Variants in NFKBIE observed in about 807,000 individuals in gnomAD.
The protein encoded by NFKBIE is NFKB inhibitor epsilon, also known as NF-kappa-B inhibitor epsilon.
Under a neutral mutation model 31.6 loss-of-function variants are expected in NFKBIE, and 11 were observed. That is an observed-to-expected ratio of 0.35 (90% CI 0.22 to 0.58). The LOEUF is 0.58. Ranked by LOEUF, NFKBIE falls within the 20% of genes least tolerant of loss-of-function variation. The pLI is 0.83. For synonymous variants in NFKBIE, 208 were observed against 210.1 expected, an observed-to-expected ratio of 0.99 and a Z score of 0.09; for missense variants, 354 against 465.7, an observed-to-expected ratio of 0.76 and a Z score of 2.21.
rs1212539858 is a variant in NFKBIE at position 44,260,369 on chromosome 6, T to A, written c.780+82A>T. Reference sequence around the variant, plus strand: ...GGATAAGGAAGTGAATGCCACCACTTCTGACTGCTGGGCAGGGGACTTGGG... The same window carrying A: ...GGATAAGGAAGTGAATGCCACCACTACTGACTGCTGGGCAGGGGACTTGGG... On this transcript the variant is annotated intron_variant, in intron 4 of 5. Coordinates refer to ENST00000619360, the MANE Select transcript of NFKBIE (RefSeq NM_004556.3). This position sits in a 1 kb window ranked among gnomAD's most constrained non-coding sequence, Gnocchi z 5.5. The A allele has an allele frequency of 8.1e-6, 13 of 1,612,600 alleles. No individual in the cohort carries two copies. Among genetic ancestry groups the A allele is most frequent in the Non-Finnish European group, 8.5e-6 (10 of 1,178,886 alleles).
chr6:44,265,246 G>C lies in NFKBIE; in HGVS notation c.101C>G (p.Ser34Trp). Residue 34 changes from serine (S) to tryptophan (W), a missense_variant, in exon 1 of 6, where the codon TCG (serine) becomes TGG (tryptophan). Coordinates refer to ENST00000619360, the MANE Select transcript of NFKBIE (RefSeq NM_004556.3). ...GTCCGAGGGCCCGGAGGCTGGAGCCGAGGTGGACTCGGGTAGGGAGCGCAG... is the reference window on the plus strand; with the variant it reads ...GTCCGAGGGCCCGGAGGCTGGAGCCCAGGTGGACTCGGGTAGGGAGCGCAG... ...RSLRSLPESTSAPASGPSDGS... is the reference protein window; with the variant it reads ...RSLRSLPESTWAPASGPSDGS... The C allele has an allele frequency of 1.3e-6, 2 of 1,552,914 alleles. No homozygotes were observed. Among genetic ancestry groups the C allele is most frequent in the South Asian group, 1.2e-5 (1 of 84,198 alleles).
Position 44,259,138 on chromosome 6 carries a change from C to T in NFKBIE, c.*81G>A. ...CTAGGGCACCAGAAGAGCACATAGC[C>T]TGGGCCCAAACTGCAGCAGTTATGG... On this transcript the variant is annotated 3_prime_UTR_variant, in exon 6 of 6. Coordinates refer to ENST00000619360, the MANE Select transcript of NFKBIE (RefSeq NM_004556.3). The T allele has an allele frequency of 1.4e-6, 2 of 1,479,122 alleles. No individual in the cohort carries two copies. The highest frequency in any genetic ancestry group is 9.4e-7 in the Non-Finnish European group (1 of 1,061,964). The allele number at this position is 1,479,122 out of a possible 1,614,324, so 91.6% of individuals were successfully genotyped here. A position where few individuals can be genotyped will look rare whatever the true frequency, so the allele number is the denominator to read the frequency against.
chr6:44,265,011 T>A lies in NFKBIE; in HGVS notation c.336A>T (p.Ala112=). 6.3e-7 allele frequency: 1 copy of A among 1,583,664 alleles called. No homozygotes were observed. Residue 112 remains alanine, a synonymous_variant, in exon 1 of 6, where the codon GCA becomes GCT. Transcript: ENST00000619360. The stretch of plus-strand genomic sequence containing the variant: ...CTCCGTCCTCGGAGATGTAAGTGAG[T>A]GCTTCCAGCTGCTGAGGGCTCAGCG... ...VGALSPQQLE[A]LTYISEDGDT...
chr6:44,265,136 A>C lies in NFKBIE; in HGVS notation c.211T>G (p.Ser71Ala). The C allele has an allele frequency of 6.4e-7, 1 of 1,552,438 alleles. No individual in the cohort carries two copies. Among genetic ancestry groups the C allele is most frequent in the Non-Finnish European group, 8.7e-7 (1 of 1,147,286 alleles). Residue 71 changes from serine (S) to alanine (A), a missense_variant, in exon 1 of 6, where the codon TCC (serine) becomes GCC (alanine). Ser to Ala is a moderately conservative substitution (Grantham distance 99). Around this residue, in one of 2 missense-constraint regions of NFKBIE, gnomAD observed 171 missense variants for 155.1 expected, o/e 1.10. Transcript: ENST00000619360. ...KEDADGERAD[S>A]TYGSSSLTYT... ...GTGAGCGAGGAGGAGCCATAGGTGG[A>C]ATCAGCCCGCTCCCCATCCGCGTCT...
intron 2 of NFKBIE, 142 bp downstream of exon 2, chr6:44,262,418 A>T (rs958414154): frequency 1.5e-6 from 1 of 671,444 alleles, no homozygotes; most frequent in Non-Finnish European, 2.6e-6. Flanking sequence ...GCCATGTCTT[A>T]CTTGGGTCTG....
rs1453404518 is a variant in NFKBIE, at chr6:44,265,447, C to T, written c.-101G>A. The T allele has an allele frequency of 6.6e-7, 1 of 1,509,446 alleles. No individual in the cohort carries two copies. Among genetic ancestry groups the T allele is most frequent in the South Asian group, 1.2e-5 (1 of 80,498 alleles). 93.5% of individuals were successfully genotyped at this position (1,509,446 alleles called of 1,614,324 possible). A position where few individuals can be genotyped will look rare whatever the true frequency, so the allele number is the denominator to read the frequency against. On this transcript the variant is annotated 5_prime_UTR_variant, in exon 1 of 6. Coordinates refer to ENST00000619360, the MANE Select transcript of NFKBIE (RefSeq NM_004556.3). The stretch of plus-strand genomic sequence containing the variant: ...TTGCGGGTCCGCTTGGCAGAGCGGG[C>T]GCCCGGCCCGCGGCGGCCTCCTTCC...
rs3997541 is a variant in NFKBIE at position 44,261,967 on chromosome 6, C to T, written c.469-119G>A. On this transcript the variant is annotated intron_variant, in intron 2 of 5. Coordinates refer to ENST00000619360, the MANE Select transcript of NFKBIE (RefSeq NM_004556.3). The surrounding 1 kb of genome is among the most constrained non-coding windows in gnomAD (Gnocchi z 4.3). ...TTCTTTGAAAGCAGCTTATAAAGGC[C>T]ATAACCTGTTCTTCCAAGGAAATAC... 0.24 allele frequency: 222,364 copies of T among 911,774 alleles called. 35,415 individuals carry two copies. Among genetic ancestry groups the T allele is most frequent in the African/African-American group, 0.7 (42,557 of 60,968 alleles). 56.5% of individuals were successfully genotyped at this position (911,774 alleles called of 1,614,324 possible).
Position 44,261,706 on chromosome 6 carries a change from G to A in NFKBIE, c.611C>T (p.Ala204Val), listed in dbSNP as rs1056025253. Reference protein sequence around the residue: ...VACQRQHLACARCLLEGRPEP... With the variant: ...VACQRQHLACVRCLLEGRPEP... Reference sequence around the variant, plus strand: ...TGGCCGCCCTTCCAGCAGGCAGCGGGCACAGGCCAAGTGCTGGCGCTGGCA... The same window carrying A: ...TGGCCGCCCTTCCAGCAGGCAGCGGACACAGGCCAAGTGCTGGCGCTGGCA... The change falls in exon 3 of 6, where the codon GCC becomes GTC. Residue 204 changes from alanine (A) to valine (V), a missense_variant. By Grantham distance (64) the Ala-to-Val change is moderately conservative. Around this residue, in one of 2 missense-constraint regions of NFKBIE, gnomAD observed 183 missense variants for 310.6 expected, o/e 0.59. Coordinates refer to ENST00000619360, the MANE Select transcript of NFKBIE (RefSeq NM_004556.3). This position sits in a 1 kb window ranked among gnomAD's most constrained non-coding sequence, Gnocchi z 4.3. 5.6e-6 allele frequency: 9 copies of A among 1,614,172 alleles called. No individual in the cohort carries two copies. Among genetic ancestry groups the A allele is most frequent in the Non-Finnish European group, 6.8e-6 (8 of 1,180,028 alleles).
In NFKBIE at chr6:44,260,889, AC is replaced by A. The variant is rs1781893162; in HGVS notation, c.692-351del. ...CACACACACACACACACACACACAC[AC>A]AACCTGCCTTCAAGCCCAGTCTGAA... On this transcript the variant is annotated intron_variant, in intron 3 of 5. Transcript: ENST00000619360. This position sits in a 1 kb window ranked among gnomAD's most constrained non-coding sequence, Gnocchi z 5.5. Among the ~76,000 whole-genome samples the A allele has an allele frequency of 2.1e-5, 3 of 140,898 alleles. No homozygotes were observed. The highest frequency in any genetic ancestry group is 6.9e-5 in the Admixed American group (1 of 14,468). 92.4% of individuals were successfully genotyped at this position (140,898 alleles called of 152,430 possible). A position where few individuals can be genotyped will look rare whatever the true frequency, so the allele number is the denominator to read the frequency against.
In NFKBIE at chr6:44,259,245, C is replaced by A. The variant is rs1256640289; in HGVS notation, c.1060G>T (p.Gly354Trp). ...LLPFDDLKIS[G>W]KLLLCTD ...CAGTCGGTACACAGCAGCAGTTTCCCTGAGATCTTCAGGTCATCAAAGGGC... is the reference window on the plus strand; with the variant it reads ...CAGTCGGTACACAGCAGCAGTTTCCATGAGATCTTCAGGTCATCAAAGGGC... Residue 354 changes from glycine (G) to tryptophan (W), a missense_variant, in exon 6 of 6, where the codon GGG becomes TGG. By Grantham distance (184) the Gly-to-Trp change is radical. Transcript: ENST00000619360. 2 of 1,613,688 alleles carry A rather than the reference C, an allele frequency of 1.2e-6. No homozygotes were observed. The highest frequency in any genetic ancestry group is 3.3e-5 in the Admixed American group (2 of 60,012).
rs948859208 is a variant in NFKBIE, at chr6:44,263,914, T to A, written c.365+1068A>T. Among the ~76,000 whole-genome samples the A allele has an allele frequency of 6.6e-6, 1 of 152,110 alleles. No homozygotes were observed. The highest frequency in any genetic ancestry group is 1.5e-5 in the Non-Finnish European group (1 of 68,022). ...CTTGGATCAAAGGTCATCAGAGGTA[T>A]CTTGCGTGCAGCCCCCAAAACCTTG... On this transcript the variant is annotated intron_variant, in intron 1 of 5. Coordinates refer to ENST00000619360, the MANE Select transcript of NFKBIE (RefSeq NM_004556.3). This position sits in a 1 kb window ranked among gnomAD's most constrained non-coding sequence, Gnocchi z 5.0.
In NFKBIE at chr6:44,260,854, C is replaced by CACACAT. The variant is rs1194915628; in HGVS notation, c.692-316_692-315insATGTGT. 1.6e-5 allele frequency among the ~76,000 whole-genome samples: 1 copy of CACACAT among 60,904 alleles called. No individual in the cohort carries two copies. Among genetic ancestry groups the CACACAT allele is most frequent in the East Asian group, 3.6e-4 (1 of 2,808 alleles). 40.0% of individuals were successfully genotyped at this position (60,904 alleles called of 152,430 possible). A position where few individuals can be genotyped will look rare whatever the true frequency, so the allele number is the denominator to read the frequency against. ...ACACACACACACACACACACACACA[C>CACACAT]ATACAGACACACACACACACACACA... On this transcript the variant is annotated intron_variant, in intron 3 of 5. Transcript: ENST00000619360. This position sits in a 1 kb window ranked among gnomAD's most constrained non-coding sequence, Gnocchi z 5.5.
rs781002443 is a variant in NFKBIE at position 44,263,808 on chromosome 6, C to T, written c.366-1146G>A. Among the ~76,000 whole-genome samples, 3 of 152,170 alleles carry T rather than the reference C, an allele frequency of 2.0e-5. No individual in the cohort carries two copies. Among genetic ancestry groups the T allele is most frequent in the Non-Finnish European group, 4.4e-5 (3 of 68,028 alleles). On this transcript the variant is annotated intron_variant, in intron 1 of 5. Transcript: ENST00000619360. The surrounding 1 kb of genome is among the most constrained non-coding windows in gnomAD (Gnocchi z 5.0). Reference sequence around the variant, plus strand: ...TCCACACACACACCCAATCTGGACACAACACCTGCTTCTAACTAGAGATGG... The same window carrying T: ...TCCACACACACACCCAATCTGGACATAACACCTGCTTCTAACTAGAGATGG...
At chr6:44,262,346 G>C (rs371703986) in intron 2 of NFKBIE, among the ~76,000 whole-genome samples, 45 of 152,280 alleles carry the variant, frequency 3.0e-4, no homozygotes, top group African/African-American at 1.0e-3. Context: ...TTGTCACCAG[G>C]CTGTGTATTT....
Position 44,260,050 on chromosome 6 carries a change from G to C in NFKBIE, c.1013C>G (p.Thr338Ser). ...AAAGCATATGCCACTTACTTCCTCA[G>C]TCAGGTCCTGGGGCGTCTCATCCTC... Reference protein sequence around the residue: ...NVEDETPQDLTEESLVLLPFD... With the variant: ...NVEDETPQDLSEESLVLLPFD... The change falls in exon 5 of 6, where the codon ACT becomes AGT. Residue 338 changes from threonine to serine, a missense_variant. Physicochemically the swap from Thr to Ser is moderately conservative, Grantham distance 58. Around this residue, in one of 2 missense-constraint regions of NFKBIE, gnomAD observed 183 missense variants for 310.6 expected, o/e 0.59. Transcript: ENST00000619360. This position sits in a 1 kb window ranked among gnomAD's most constrained non-coding sequence, Gnocchi z 5.5. 6.2e-7 allele frequency: 1 copy of C among 1,613,110 alleles called. No individual in the cohort carries two copies. The highest frequency in any genetic ancestry group is 8.5e-7 in the Non-Finnish European group (1 of 1,179,160).
rs776457921 is a variant in NFKBIE at position 44,265,042 on chromosome 6, A to T, written c.305T>A (p.Val102Glu). The T allele has an allele frequency of 6.3e-6, 10 of 1,584,636 alleles. No individual in the cohort carries two copies. In the South Asian group the frequency reaches 1.2e-4, roughly 18 times the overall value. ...CAGCTGCTGAGGGCTCAGCGCCCCC[A>T]CGTGGGGGAGTGGCAGGCGTGGGGC... ...DPAPRLPLPH[V>E]GALSPQQLEA... The change falls in exon 1 of 6, where the codon GTG becomes GAG. Residue 102 changes from valine to glutamate, a missense_variant. Transcript: ENST00000619360.
Position 44,260,340 on chromosome 6 carries a change from C to A in NFKBIE, c.781-58G>T, listed in dbSNP as rs1289767716. 1 of 1,608,680 alleles carries A rather than the reference C, an allele frequency of 6.2e-7. No homozygotes were observed. Among genetic ancestry groups the A allele is most frequent in the African/African-American group, 1.3e-5 (1 of 74,956 alleles). ...TCAGAGGCAGTGTGCTGGGCCTGGG[C>A]TCTGGATAAGGAAGTGAATGCCACC... On this transcript the variant is annotated intron_variant, in intron 4 of 5. Transcript: ENST00000619360. This position sits in a 1 kb window ranked among gnomAD's most constrained non-coding sequence, Gnocchi z 5.5.
intron 5 of NFKBIE, 118 bp from the exon 6 acceptor site, chr6:44,259,402 C>T (rs181412822): frequency 2.7e-6 from 2 of 739,614 alleles, no homozygotes; most frequent in African/African-American, 1.7e-5. Flanking sequence ...AGTTGAAGAC[C>T]ATCAGGGAAC....
In NFKBIE at chr6:44,261,128, G is replaced by C. The variant is rs973791178; in HGVS notation, c.691+498C>G. Among the ~76,000 whole-genome samples the C allele has an allele frequency of 3.3e-5, 5 of 151,970 alleles. No individual in the cohort carries two copies. Among genetic ancestry groups the C allele is most frequent in the African/African-American group, 1.2e-4 (5 of 41,364 alleles). On this transcript the variant is annotated intron_variant, in intron 3 of 5. Coordinates refer to ENST00000619360, the MANE Select transcript of NFKBIE (RefSeq NM_004556.3). The surrounding 1 kb of genome is among the most constrained non-coding windows in gnomAD (Gnocchi z 4.3). Reference sequence around the variant, plus strand: ...GTCACTGGCTCCATGAGGCCTTCCCGGACCACCCTATTTAACAATCATATC... The same window carrying C: ...GTCACTGGCTCCATGAGGCCTTCCCCGACCACCCTATTTAACAATCATATC...
Sources: gnomAD v4.1 joint callset for allele counts (sites outside exome capture counted in the v4.1 genomes callset) on GRCh38, gnomAD v4.1.1 for gene constraint, gnomAD v4.1.1 regional missense constraint, Gnocchi (gnomAD v3.1) non-coding constraint, MANE v1.5 for transcripts, NCBI Gene and HGNC (gene_info 2026-07-23, HGNC 2026-07-21) for gene names.